The following DOK1 variants were observed in gnomAD, a reference collection of about 807,000 sequenced individuals.
The protein encoded by DOK1 is Downstream of tyrosine kinase 1.
In DOK1, 12 loss-of-function variants were observed where a neutral mutation model predicts 24.0. The ratio of observed to expected loss-of-function variants is 0.50; its 90% CI spans 0.32 to 0.81. The LOEUF (loss-of-function observed/expected upper bound fraction) is 0.81. Among genes scored for constraint, DOK1 ranks in the 30% least tolerant of loss-of-function variants. The pLI, the probability that DOK1 is intolerant of heterozygous loss-of-function variation, is 0.03. For synonymous variants in DOK1, 250 were observed against 260.9 expected (o/e 0.96, Z 0.40); for missense variants, 591 against 620.7 (o/e 0.95, Z 0.51).
chr2:74,549,834 G>T (rs1676885283), upstream of DOK1: 1 of 985,434 alleles, frequency 1.0e-6, no homozygotes, highest in African/African-American at 1.7e-5. This position sits in a 1 kb window ranked among gnomAD's most constrained non-coding sequence, Gnocchi z 5.3. Flanking sequence ...CCTGTGCCTG[G>T]AGCAGGAGGG....
At chr2:74,550,202 C>T, upstream of DOK1, 1 of 1,613,686 alleles carries the variant, frequency 6.2e-7, no homozygotes. Context: ...ACATTGGAGT[C>T]CGAGAAGCCA....
chr2:74,550,303 C>T (rs755357456), upstream of DOK1: 1 of 1,614,106 alleles, frequency 6.2e-7, no homozygotes, highest in South Asian at 1.1e-5. Context: ...TTCAGTCACA[C>T]TCTGCTCGGT....
chr2:74,550,372 C>T, upstream of DOK1: 1 of 1,607,482 alleles, frequency 6.2e-7, no homozygotes, highest in Non-Finnish European at 8.5e-7. Flanking sequence ...GATGAAGGGA[C>T]AGAGAAGCTT....
upstream of DOK1, among the ~76,000 whole-genome samples, chr2:74,551,060 G>C (rs1676977088): frequency 6.6e-6 from 1 of 151,850 alleles, no homozygotes; most frequent in Admixed American, 6.6e-5. Flanking sequence ...AGCCTCCCAA[G>C]TAGCTGGGGC....
chr2:74,549,254 C>T lies in DOK1; in HGVS notation c.-358+82C>T. ...GCAACGGCCTCCATATTTTCCCGCGCGTCCCGACCCCCGGGTCCTCCCGTG... is the reference window on the plus strand; with the variant it reads ...GCAACGGCCTCCATATTTTCCCGCGTGTCCCGACCCCCGGGTCCTCCCGTG... On this transcript the variant is annotated intron_variant, in intron 1 of 4. Transcript: ENST00000409429. This position sits in a 1 kb window ranked among gnomAD's most constrained non-coding sequence, Gnocchi z 5.3. 1 of 1,209,362 alleles carries T rather than the reference C, an allele frequency of 8.3e-7. No individual in the cohort carries two copies. Among genetic ancestry groups the T allele is most frequent in the Non-Finnish European group, 1.1e-6 (1 of 903,044 alleles). The allele number at this position is 1,209,362 out of a possible 1,614,324, so 74.9% of individuals were successfully genotyped here.
At position 74,557,039 on chromosome 2, in the gene DOK1, C is replaced by T. The variant is rs201511679; in HGVS notation, c.1371C>T (p.Ala457=). ...ACAGCCAGGTCCAGAAGAGCGGGGC[C>T]TCAGGGAGCTGGGACTGTGGGCTCT... The part of the protein sequence containing the change: ...ALYSQVQKSG[A]SGSWDCGLSR... Residue 457 remains alanine (A), a synonymous_variant, in exon 5 of 5, where the codon GCC becomes GCT. Transcript: ENST00000233668. 18 of 1,614,072 alleles carry T rather than the reference C, an allele frequency of 1.1e-5. 1 individual carries two copies. The highest frequency in any genetic ancestry group is 3.3e-5 in the South Asian group (3 of 91,090).
chr2:74,552,667 G>A, upstream of DOK1: 1 of 1,492,196 alleles, frequency 6.7e-7, no homozygotes, highest in Non-Finnish European at 9.0e-7. Context: ...CAGAGACAAA[G>A]TGTGCGTGAG....
Position 74,549,705 on chromosome 2 carries a change from G to C in DOK1, c.-358+533G>C. ...CCCAGTGGCGGGATGGGCCCGAGGC[G>C]GCGCTGAGAGAGCGGCCACGATGGC... On this transcript the variant is annotated intron_variant, in intron 1 of 4. Coordinates refer to the DOK1 transcript ENST00000409429. The surrounding 1 kb of genome is among the most constrained non-coding windows in gnomAD (Gnocchi z 5.3). 1 of 1,447,556 alleles carries C rather than the reference G, an allele frequency of 6.9e-7. No homozygotes were observed. Among genetic ancestry groups the C allele is most frequent in the Non-Finnish European group, 9.1e-7 (1 of 1,097,410 alleles). 89.7% of individuals were successfully genotyped at this position (1,447,556 alleles called of 1,614,324 possible).
chr2:74,550,145 T>C, upstream of DOK1: 7 of 1,593,446 alleles, frequency 4.4e-6, no homozygotes, highest in Non-Finnish European at 6.0e-6. Context: ...CTCTCGGCTA[T>C]CCTGGGTAGT....
upstream of DOK1, among the ~76,000 whole-genome samples, chr2:74,553,651 C>T (rs1452719181): frequency 6.6e-6 from 1 of 152,174 alleles, no homozygotes; most frequent in Non-Finnish European, 1.5e-5. Flanking sequence ...GGAGGAGCCC[C>T]CTCCCTTAGG....
Position 74,556,489 on chromosome 2 carries a change from T to A in DOK1, c.821T>A (p.Val274Glu). The A allele has an allele frequency of 6.2e-7, 1 of 1,613,970 alleles. No homozygotes were observed. Among genetic ancestry groups the A allele is most frequent in the Non-Finnish European group, 8.5e-7 (1 of 1,179,970 alleles). Residue 274 changes from valine to glutamate, a missense_variant, in exon 5 of 5, where the codon GTG becomes GAG. By Grantham distance (121) the Val-to-Glu change is moderately radical. Transcript: ENST00000233668. This position sits in a 1 kb window ranked among gnomAD's most constrained non-coding sequence, Gnocchi z 4.1. ...AGAGCTGACTCCCATGAAGGGGAGG[T>A]GGCAGAGGGGAAGTTGCCTTCCCCA... ...VLRADSHEGE[V>E]AEGKLPSPPG...
At position 74,549,255 on chromosome 2, in the gene DOK1, G is replaced by T. The variant is rs1676826717; in HGVS notation, c.-358+83G>T. ...CAACGGCCTCCATATTTTCCCGCGC[G>T]TCCCGACCCCCGGGTCCTCCCGTGC... On this transcript the variant is annotated intron_variant, in intron 1 of 4. Transcript: ENST00000409429. This position sits in a 1 kb window ranked among gnomAD's most constrained non-coding sequence, Gnocchi z 5.3. 2 of 1,228,240 alleles carry T rather than the reference G, an allele frequency of 1.6e-6. No homozygotes were observed. Among genetic ancestry groups the T allele is most frequent in the Admixed American group, 3.1e-5 (1 of 32,136 alleles). 76.1% of individuals were successfully genotyped at this position (1,228,240 alleles called of 1,614,324 possible).
In DOK1 at chr2:74,549,619, G is replaced by T; in HGVS notation, c.-358+447G>T. On this transcript the variant is annotated intron_variant, in intron 1 of 4. Coordinates refer to the DOK1 transcript ENST00000409429. This position sits in a 1 kb window ranked among gnomAD's most constrained non-coding sequence, Gnocchi z 5.3. ...GGCCACAAGCAGGGAAAGAATCCCA[G>T]TGGCACCTTTCATGTGTCCCGCCGC... The T allele has an allele frequency of 3.8e-6, 6 of 1,581,924 alleles. No homozygotes were observed. The highest frequency in any genetic ancestry group is 4.3e-6 in the Non-Finnish European group (5 of 1,158,870).
upstream of DOK1, among the ~76,000 whole-genome samples, chr2:74,552,028 G>A (rs1203435972): frequency 2.0e-5 from 3 of 152,214 alleles, no homozygotes; most frequent in Non-Finnish European, 4.4e-5. Flanking sequence ...CCTGTATCTG[G>A]GCTGTTTTGT....
Position 74,555,046 on chromosome 2 carries a change from T to C in DOK1, c.61-108T>C. On this transcript the variant is annotated intron_variant, in intron 1 of 4. Transcript: ENST00000233668. The surrounding 1 kb of genome is among the most constrained non-coding windows in gnomAD (Gnocchi z 6.1). The stretch of plus-strand genomic sequence containing the variant: ...GGGAAACTTCGCCCCCAACCCCGTT[T>C]GGAAGCCCCAGATCCCAAATCGACT... 2.1e-6 allele frequency: 3 copies of C among 1,450,588 alleles called. No homozygotes were observed. The highest frequency in any genetic ancestry group is 4.8e-4 in the Middle Eastern group (2 of 4,124). 89.9% of individuals were successfully genotyped at this position (1,450,588 alleles called of 1,614,324 possible). A position where few individuals can be genotyped will look rare whatever the true frequency, so the allele number is the denominator to read the frequency against.
chr2:74,555,251 G>A lies in DOK1; in HGVS notation c.158G>A (p.Gly53Asp), dbSNP rs765279662. The A allele has an allele frequency of 6.2e-7, 1 of 1,613,940 alleles. No individual in the cohort carries two copies. Among genetic ancestry groups the A allele is most frequent in the South Asian group, 1.1e-5 (1 of 91,086 alleles). ...FDHKGSSSGG[G>D]RGSSRRLDCK... ...CATAAGGGGTCGAGCTCTGGGGGTG[G>A]CCGAGGGAGCTCGCGCCGCCTGGAC... The change falls in exon 2 of 5, where the codon GGC becomes GAC. Residue 53 changes from glycine to aspartate, a missense_variant. Coordinates refer to ENST00000233668, the MANE Select transcript of DOK1 (RefSeq NM_001381.5). The surrounding 1 kb of genome is among the most constrained non-coding windows in gnomAD (Gnocchi z 6.1).
Position 74,555,337 on chromosome 2 carries a change from C to A in DOK1, c.244C>A (p.Pro82Thr). The change falls in exon 2 of 5, where the codon CCT (proline) becomes ACT (threonine). Residue 82 changes from proline (P) to threonine (T), a missense_variant. By Grantham distance (38) the Pro-to-Thr change is conservative. Transcript: ENST00000233668. The surrounding 1 kb of genome is among the most constrained non-coding windows in gnomAD (Gnocchi z 6.1). Reference protein sequence around the residue: ...SVAPVTVETPPEPGATAFRLD... With the variant: ...SVAPVTVETPTEPGATAFRLD... Reference sequence around the variant, plus strand: ...GGCCCCCGTCACCGTGGAGACCCCCCCTGAGCCCGGCGCCACTGCCTTCCG... The same window carrying A: ...GGCCCCCGTCACCGTGGAGACCCCCACTGAGCCCGGCGCCACTGCCTTCCG... The A allele has an allele frequency of 6.2e-7, 1 of 1,613,968 alleles. No homozygotes were observed. The highest frequency in any genetic ancestry group is 8.5e-7 in the Non-Finnish European group (1 of 1,179,966).
rs992830403 is a variant in DOK1 at position 74,549,189 on chromosome 2, C to T, written c.-358+17C>T. 1.5e-6 allele frequency: 1 copy of T among 650,598 alleles called. No individual in the cohort carries two copies. Among genetic ancestry groups the T allele is most frequent in the East Asian group, 3.1e-5 (1 of 32,150 alleles). The allele number at this position is 650,598 out of a possible 1,614,324, so 40.3% of individuals were successfully genotyped here. On this transcript the variant is annotated intron_variant, in intron 1 of 4. Coordinates refer to the DOK1 transcript ENST00000409429. The surrounding 1 kb of genome is among the most constrained non-coding windows in gnomAD (Gnocchi z 5.3). ...CCATTTCAGGTACTCCCTTGGGGCA[C>T]CTTTCGTGGTCCCACAAGATTTCCC... is the stretch of plus-strand genomic sequence containing the variant.
chr2:74,549,742 G>A (rs1676874408), upstream of DOK1: 1 of 1,440,974 alleles, frequency 6.9e-7, no homozygotes, highest in Non-Finnish European at 9.1e-7. This position sits in a 1 kb window ranked among gnomAD's most constrained non-coding sequence, Gnocchi z 5.3. Context: ...GCAGTCCGCG[G>A]TGTGGACTCT....
Sources: gnomAD v4.1 joint callset for allele counts (sites outside exome capture counted in the v4.1 genomes callset) on GRCh38, gnomAD v4.1.1 for gene constraint, Gnocchi (gnomAD v3.1) non-coding constraint, MANE v1.5 for transcripts, NCBI Gene and HGNC (gene_info 2026-07-23, HGNC 2026-07-21) for gene names.